Variants in NAA16 observed in about 807,000 individuals in gnomAD.
NAA16 encodes NARG1-like protein.
In NAA16, 97 loss-of-function variants were observed where a neutral mutation model predicts 110.3. That is an observed-to-expected ratio of 0.88 (90% confidence interval 0.75 to 1.04). The LOEUF (loss-of-function observed/expected upper bound fraction) is 1.04, where lower values mean the gene tolerates loss of function less well. Among genes scored for constraint, NAA16 ranks in the 50% least tolerant of loss-of-function variants. The pLI is 0.00. For missense variants in NAA16, 1,017 were observed against 1,005.1 expected (o/e 1.01, Z -0.16); for synonymous variants, 372 against 330.6 (o/e 1.13, Z -1.36).
chr13:41,357,179 C>T (rs1380267552), intron 10 of NAA16, among the ~76,000 whole-genome samples: 2 of 152,140 alleles, frequency 1.3e-5, no homozygotes, highest in Admixed American at 6.6e-5. Context: ...ATATTAGCCA[C>T]GTTCGGTGGT....
intron 9 of NAA16, among the ~76,000 whole-genome samples, chr13:41,346,650 G>A (rs1046522199): frequency 6.6e-6 from 1 of 152,054 alleles, no homozygotes; most frequent in African/African-American, 2.4e-5. Flanking sequence ...CCTGGCTCTG[G>A]GATGATTAGG....
At chr13:41,345,158 A>T (rs753279670) in intron 9 of NAA16, among the ~76,000 whole-genome samples, 3 of 152,206 alleles carry the variant, frequency 2.0e-5, no homozygotes, top group East Asian at 1.9e-4. Context: ...ACTTTGGTGT[A>T]CAAGTTTTTG....
At chr13:41,311,692 A>G (rs2041576109) in intron 1 of NAA16, 110 bp downstream of exon 1, 3 of 1,007,342 alleles carry the variant, frequency 3.0e-6, no homozygotes, top group Admixed American at 5.0e-5. Flanking sequence ...TCCGCTGCCC[A>G]CCGCTCTTTG....
At position 41,311,280 on chromosome 13, in the gene NAA16, A is replaced by ACCGCCG. The variant is rs140898550; in HGVS notation, c.-238_-233dup. On this transcript the variant is annotated 5_prime_UTR_variant, in exon 1 of 20. Transcript: ENST00000379406. ...GGCTGCCATCTTGCAGTGCGCGGGA[A>ACCGCCG]CCGCCGCCGCCGCCGCTGGCCAAAA... 169 of 548,718 alleles carry ACCGCCG rather than the reference A, an allele frequency of 3.1e-4. 1 individual carries two copies. In the South Asian group the frequency reaches 3.5e-3, roughly 11 times the overall value. 34.0% of individuals were successfully genotyped at this position (548,718 alleles called of 1,614,324 possible). A position where few individuals can be genotyped will look rare whatever the true frequency, so the allele number is the denominator to read the frequency against.
In NAA16 at chr13:41,320,453, G is replaced by A. The variant is rs1265441575; in HGVS notation, c.245-214G>A. Reference sequence around the variant, plus strand: ...CAGAATAATGACCCCTTTCCCATGTGGCCATTACCCAGGTTCAGCAATTTG... The same window carrying A: ...CAGAATAATGACCCCTTTCCCATGTAGCCATTACCCAGGTTCAGCAATTTG... On this transcript the variant is annotated intron_variant, in intron 3 of 19. Coordinates refer to ENST00000379406, the MANE Select transcript of NAA16 (RefSeq NM_024561.5). Among the ~76,000 whole-genome samples the A allele has an allele frequency of 3.9e-5, 6 of 152,188 alleles. No homozygotes were observed. In the East Asian group the frequency reaches 1.2e-3, roughly 29 times the overall value.
chr13:41,349,731 G>A (rs1034713397), intron 9 of NAA16, among the ~76,000 whole-genome samples: 1 of 151,910 alleles, frequency 6.6e-6, no homozygotes, highest in African/African-American at 2.4e-5. Context: ...TGGGGAGGCC[G>A]AGGTGGGTAG....
In NAA16 at chr13:41,373,710, A is replaced by G; in HGVS notation, c.2229A>G (p.Lys743=). 1.9e-6 allele frequency: 3 copies of G among 1,611,416 alleles called. No individual in the cohort carries two copies. The highest frequency in any genetic ancestry group is 1.7e-6 in the Non-Finnish European group (2 of 1,179,046). ...LSQEMQKIFV[K]KDLESFNEDF... ...AAGAAATGCAGAAAATATTTGTCAA[A>G]AAGGATTTGGAAAGTTTTAATGAGG... is the stretch of plus-strand genomic sequence containing the variant. Residue 743 remains lysine, a synonymous_variant, in exon 18 of 20, where the codon AAA becomes AAG. Coordinates refer to ENST00000379406, the MANE Select transcript of NAA16 (RefSeq NM_024561.5).
At chr13:41,372,897 TC>T (rs1487246410) in intron 17 of NAA16, 67 bp downstream of exon 17, 1 of 1,350,526 alleles carries the variant, frequency 7.4e-7, no homozygotes, top group Non-Finnish European at 9.6e-7. Context: ...TTGTTAAATC[TC>T]TGTTGATCTG....
At chr13:41,320,310 C>T (rs2041914436) in intron 3 of NAA16, among the ~76,000 whole-genome samples, 1 of 152,096 alleles carries the variant, frequency 6.6e-6, no homozygotes, top group Admixed American at 6.5e-5. Flanking sequence ...GTTGAAGTTG[C>T]TGGGGTAGGA....
intron 13 of NAA16, among the ~76,000 whole-genome samples, chr13:41,366,992 G>C (rs1416212030): frequency 6.6e-6 from 1 of 152,142 alleles, no homozygotes; most frequent in Admixed American, 6.5e-5. Context: ...GATTGCCCTT[G>C]AAAATGGTAG....
Position 41,316,105 on chromosome 13 carries a change from G to A in NAA16, c.55-741G>A, listed in dbSNP as rs149182170. On this transcript the variant is annotated intron_variant, in intron 1 of 19. Coordinates refer to ENST00000379406, the MANE Select transcript of NAA16 (RefSeq NM_024561.5). ...AAACAAAATAAAAAATTCTGTGGCA[G>A]TATTGATTGGTGAATTGTCATTTTT... Among the ~76,000 whole-genome samples, 529 of 152,124 alleles carry A rather than the reference G, an allele frequency of 3.5e-3. 4 individuals carry two copies. Among genetic ancestry groups the A allele is most frequent in the African/African-American group, 0.011 (472 of 41,504 alleles).
At chr13:41,323,444 G>A (rs1352131253) in intron 5 of NAA16, among the ~76,000 whole-genome samples, 18 of 150,602 alleles carry the variant, frequency 1.2e-4, no homozygotes, top group South Asian at 2.1e-4. Context: ...TCTGCCTCCC[G>A]GGTTCAAGCC....
At chr13:41,315,501 T>A (rs532211136) in intron 1 of NAA16, among the ~76,000 whole-genome samples, 2 of 152,210 alleles carry the variant, frequency 1.3e-5, no homozygotes, top group Non-Finnish European at 2.9e-5. Context: ...AGTTTGCAGC[T>A]AAGCTGAGCA....
At chr13:41,331,911 A>G (rs1227894165) in intron 8 of NAA16, among the ~76,000 whole-genome samples, 1 of 152,188 alleles carries the variant, frequency 6.6e-6, no homozygotes, top group Non-Finnish European at 1.5e-5. Flanking sequence ...CTGCCTAAAT[A>G]TATATAAATA....
At chr13:41,364,583 A>G (rs1346669977) in intron 13 of NAA16, among the ~76,000 whole-genome samples, 3 of 151,780 alleles carry the variant, frequency 2.0e-5, no homozygotes, top group Non-Finnish European at 2.9e-5. Flanking sequence ...CTTTCTTTCC[A>G]TTTTTTTCTT....
chr13:41,325,949 C>T lies in NAA16; in HGVS notation c.691+98C>T, dbSNP rs2139397785. 1.2e-5 allele frequency: 11 copies of T among 952,814 alleles called. No homozygotes were observed. The South Asian group carries it at 1.9e-4, about 16-fold the overall frequency. 59.0% of individuals were successfully genotyped at this position (952,814 alleles called of 1,614,324 possible). A position where few individuals can be genotyped will look rare whatever the true frequency, so the allele number is the denominator to read the frequency against. On this transcript the variant is annotated intron_variant, in intron 6 of 19. Coordinates refer to ENST00000379406, the MANE Select transcript of NAA16 (RefSeq NM_024561.5). ...GTCTTACGTAACAGTTGTTATGTAT[C>T]TGGCAAGGTTCCAAACACGATTATT... is the stretch of plus-strand genomic sequence containing the variant.
At chr13:41,337,491 C>T (rs145761191) in intron 9 of NAA16, among the ~76,000 whole-genome samples, 1,953 of 146,548 alleles carry the variant, frequency 0.013, 37 homozygotes, top group African/African-American at 0.046. Flanking sequence ...TGAAGTGAGC[C>T]GAGATCGCGC....
intron 9 of NAA16, among the ~76,000 whole-genome samples, chr13:41,337,395 T>C (rs967335402): frequency 2.0e-5 from 3 of 151,946 alleles, no homozygotes; most frequent in African/African-American, 7.2e-5. Context: ...TACAAAAAAT[T>C]AGCCGGGCGT....
chr13:41,362,017 T>A lies in NAA16; in HGVS notation c.1411-14T>A. ...ATTGTTTGCTCTCTATAGTTTTGAATGCTTCCATTTCAGGAAGGAACATCT... is the reference window on the plus strand; with the variant it reads ...ATTGTTTGCTCTCTATAGTTTTGAAAGCTTCCATTTCAGGAAGGAACATCT... On this transcript the variant is annotated splice_polypyrimidine_tract_variant and intron_variant, in intron 12 of 19. Transcript: ENST00000379406. 6.2e-7 allele frequency: 1 copy of A among 1,610,328 alleles called. No individual in the cohort carries two copies. Among genetic ancestry groups the A allele is most frequent in the Admixed American group, 1.7e-5 (1 of 59,202 alleles).
Sources: gnomAD v4.1 joint callset for allele counts (sites outside exome capture counted in the v4.1 genomes callset) on GRCh38, gnomAD v4.1.1 for gene constraint, MANE v1.5 for transcripts, NCBI Gene and HGNC (gene_info 2026-07-23, HGNC 2026-07-21) for gene names.